EXT1: variants seen among roughly 807,000 people sequenced by gnomAD.
EXT1 encodes the protein exostosin glycosyltransferase 1.
A neutral mutation model predicts 82.5 loss-of-function variants in EXT1; 20 were observed. The ratio of observed to expected loss-of-function variants is 0.24; its 90% CI spans 0.17 to 0.35. The LOEUF (loss-of-function observed/expected upper bound fraction) is 0.35, where lower values mean the gene tolerates loss of function less well. EXT1 is among the 10% of genes least tolerant of loss of function. The pLI is 1.00. For synonymous variants in EXT1, 348 were observed against 350.8 expected (o/e 0.99, Z 0.09); for missense variants, 757 against 936.5 (o/e 0.81, Z 2.50).
chr8:117,916,556 C>T (rs1433328186), intron 1 of EXT1, among the ~76,000 whole-genome samples: 1 of 152,152 alleles, frequency 6.6e-6, no homozygotes, highest in African/African-American at 2.4e-5. Flanking sequence ...TAAAAAATGA[C>T]TGGGAATTAA....
At chr8:118,039,121 TG>T (rs1203456997) in intron 1 of EXT1, among the ~76,000 whole-genome samples, 1 of 152,222 alleles carries the variant, frequency 6.6e-6, no homozygotes, top group African/African-American at 2.4e-5. Context: ...AATAAACATT[TG>T]TAAGGATGAA....
At chr8:117,930,600 T>C (rs1288778157) in intron 1 of EXT1, among the ~76,000 whole-genome samples, 1 of 152,186 alleles carries the variant, frequency 6.6e-6, no homozygotes, top group Admixed American at 6.5e-5. Context: ...AAGTTTTAAA[T>C]ACATATTTCT....
chr8:117,920,727 G>A (rs963341059), intron 1 of EXT1, among the ~76,000 whole-genome samples: 2 of 152,076 alleles, frequency 1.3e-5, no homozygotes, highest in Non-Finnish European at 2.9e-5. Flanking sequence ...TATCATCTTC[G>A]GGATTACTTT....
chr8:118,026,845 C>T (rs1163995951), intron 1 of EXT1, among the ~76,000 whole-genome samples: 1 of 152,142 alleles, frequency 6.6e-6, no homozygotes, highest in Non-Finnish European at 1.5e-5. Flanking sequence ...AAAGATGGTC[C>T]ATAAGATGGT....
At chr8:117,810,261 T>C (rs1440198893) in intron 8 of EXT1, among the ~76,000 whole-genome samples, 1 of 152,154 alleles carries the variant, frequency 6.6e-6, no homozygotes, top group Non-Finnish European at 1.5e-5. Context: ...TTAAACAATC[T>C]GAGATCCTTA....
At chr8:118,084,385 A>T (rs1288356995) in intron 1 of EXT1, among the ~76,000 whole-genome samples, 5 of 152,262 alleles carry the variant, frequency 3.3e-5, no homozygotes, top group African/African-American at 9.6e-5. Flanking sequence ...AGTACTTGTC[A>T]TAATGCATCT....
chr8:118,062,848 ATAATT>A (rs1447840603), intron 1 of EXT1, among the ~76,000 whole-genome samples: 1 of 152,172 alleles, frequency 6.6e-6, no homozygotes, highest in East Asian at 1.9e-4. Context: ...ACAAGACTAT[ATAATT>A]TATTCTGTTT....
intron 7 of EXT1, 85 bp downstream of exon 7, chr8:117,818,350 A>G: frequency 2.0e-6 from 2 of 1,000,110 alleles, no homozygotes; most frequent in South Asian, 1.3e-5. Flanking sequence ...CAGGGAGAAG[A>G]TATCTAGGGC....
chr8:117,832,528 A>AAAAAAG (rs550383383), intron 3 of EXT1, among the ~76,000 whole-genome samples: 9,431 of 151,212 alleles, frequency 0.062, 412 homozygotes, highest in Non-Finnish European at 0.1. Context: ...CTTAAAAAAA[A>AAAAAAG]AAAAGAAAAG....
intron 1 of EXT1, among the ~76,000 whole-genome samples, chr8:117,845,956 G>A (rs541078567): frequency 1.1e-4 from 17 of 152,098 alleles, no homozygotes; most frequent in Admixed American, 2.6e-4. Flanking sequence ...TGGGATCCAC[G>A]ACCAGCTCTG....
chr8:117,858,648 A>T (rs1374525005), intron 1 of EXT1, among the ~76,000 whole-genome samples: 1 of 150,716 alleles, frequency 6.6e-6, no homozygotes, highest in East Asian at 1.9e-4. Context: ...ATTGCGCTCC[A>T]GCCTGGGTGA....
chr8:117,825,113 C>G (rs374817856), intron 4 of EXT1, among the ~76,000 whole-genome samples: 2 of 152,142 alleles, frequency 1.3e-5, no homozygotes, highest in African/African-American at 4.8e-5. Flanking sequence ...CTCAAGCAAT[C>G]CTTTCTCCCC....
intron 1 of EXT1, among the ~76,000 whole-genome samples, chr8:117,899,518 T>G (rs1207481526): frequency 1.3e-5 from 2 of 152,220 alleles, no homozygotes; most frequent in African/African-American, 4.8e-5. Flanking sequence ...CAATGACAGC[T>G]TGCTAACGTG....
rs1823121896 is a variant in EXT1, at chr8:117,798,857, T to G, written c.*855A>C. 6.6e-6 allele frequency: 1 copy of G among 152,260 alleles called. No homozygotes were observed. The highest frequency in any genetic ancestry group is 2.4e-5 in the African/African-American group (1 of 41,474). The allele number at this position is 152,260 out of a possible 1,614,324, so 9.4% of individuals were successfully genotyped here. ...GTGCTACGCAGACTTAGGTCAATGG[T>G]TGAATCTATAACCGTGCCCCCAACC... On this transcript the variant is annotated 3_prime_UTR_variant, in exon 11 of 11. Coordinates refer to ENST00000378204, the MANE Select transcript of EXT1 (RefSeq NM_000127.3).
intron 1 of EXT1, among the ~76,000 whole-genome samples, chr8:118,088,140 G>T (rs1222942722): frequency 6.6e-6 from 1 of 152,066 alleles, no homozygotes; most frequent in Non-Finnish European, 1.5e-5. Flanking sequence ...TATTACTTGG[G>T]AACTCAAATC....
At chr8:117,809,720 C>CA (rs1315807419) in intron 8 of EXT1, among the ~76,000 whole-genome samples, 1 of 151,690 alleles carries the variant, frequency 6.6e-6, no homozygotes, top group Non-Finnish European at 1.5e-5. Flanking sequence ...CACGTTATCT[C>CA]AAAGTTAAAA....
intron 1 of EXT1, among the ~76,000 whole-genome samples, chr8:117,962,808 C>G (rs1244734575): frequency 6.7e-6 from 1 of 148,482 alleles, no homozygotes; most frequent in Non-Finnish European, 1.5e-5. Context: ...CACCTGTAGT[C>G]CCATCTAATC....
chr8:117,993,971 A>T (rs1815486307), intron 1 of EXT1, among the ~76,000 whole-genome samples: 1 of 152,160 alleles, frequency 6.6e-6, no homozygotes, highest in Non-Finnish European at 1.5e-5. Context: ...GAGGAAAGAG[A>T]TGACTCAAAT....
chr8:117,854,215 C>G (rs1812502445), intron 1 of EXT1, among the ~76,000 whole-genome samples: 2 of 152,206 alleles, frequency 1.3e-5, no homozygotes, highest in African/African-American at 2.4e-5. Context: ...GAGCTGGGAA[C>G]AAAGGAAAAG....
Sources: gnomAD v4.1 joint callset for allele counts (sites outside exome capture counted in the v4.1 genomes callset) on GRCh38, gnomAD v4.1.1 for gene constraint, MANE v1.5 for transcripts, NCBI Gene and HGNC (gene_info 2026-07-23, HGNC 2026-07-21) for gene names.